Variants in TNIP3 observed in about 807,000 individuals in gnomAD.
TNIP3 encodes the protein TNFAIP3 interacting protein 3.
In TNIP3, 34 loss-of-function variants were observed where a neutral mutation model predicts 54.1. The ratio of observed to expected loss-of-function variants is 0.63; its 90% CI spans 0.48 to 0.84. The LOEUF (loss-of-function observed/expected upper bound fraction) is 0.84, where lower values mean the gene tolerates loss of function less well. Among genes scored for constraint, TNIP3 ranks in the 40% least tolerant of loss-of-function variants. TNIP3 has a pLI of 0.00. For missense variants in TNIP3, 366 were observed against 387.6 expected, an observed-to-expected ratio of 0.94 and a Z score of 0.47; for synonymous variants, 134 against 136.8, an observed-to-expected ratio of 0.98 and a Z score of 0.14.
At chr4:121,216,309 C>T in intron 2 of TNIP3, 1 of 941,442 alleles carries the variant, frequency 1.1e-6, no homozygotes, top group Non-Finnish European at 1.6e-6. Flanking sequence ...TCCATTCAGA[C>T]AGCTTCTCTT....
At chr4:121,180,235 C>T (rs1182687877) in intron 3 of TNIP3, among the ~76,000 whole-genome samples, 1 of 152,054 alleles carries the variant, frequency 6.6e-6, no homozygotes, top group Non-Finnish European at 1.5e-5. Flanking sequence ...CCCGTCTCTA[C>T]TAAAAATACA....
At chr4:121,174,084 C>A (rs1242488720) in intron 3 of TNIP3, among the ~76,000 whole-genome samples, 1 of 152,156 alleles carries the variant, frequency 6.6e-6, no homozygotes, top group Non-Finnish European at 1.5e-5. Flanking sequence ...GGGACCACTC[C>A]ATTGATGATG....
chr4:121,137,972 C>T (rs1221094703), intron 10 of TNIP3: 1 of 455,884 alleles, frequency 2.2e-6, no homozygotes, highest in Non-Finnish European at 4.4e-6. Flanking sequence ...TTCTGGGTGG[C>T]CTCACAAGAC....
intron 10 of TNIP3, 122 bp from the exon 11 acceptor site, chr4:121,132,784 A>G: frequency 1.3e-6 from 1 of 779,778 alleles, no homozygotes. Context: ...TGTTATATTC[A>G]TAAGCTCCCC....
intron 2 of TNIP3, among the ~76,000 whole-genome samples, chr4:121,198,164 A>C (rs1261907299): frequency 6.6e-6 from 1 of 150,474 alleles, no homozygotes; most frequent in East Asian, 1.9e-4. Flanking sequence ...TTTTTTTTAG[A>C]AATTACTTGT....
At chr4:121,138,735 T>C (rs1007884050) in intron 9 of TNIP3, 51 bp from the exon 10 acceptor site, 2 of 1,508,056 alleles carry the variant, frequency 1.3e-6, no homozygotes, top group Non-Finnish European at 1.8e-6. Flanking sequence ...TCAAATATAG[T>C]GGCATGTCAA....
chr4:121,148,712 T>C (rs1178704924), intron 6 of TNIP3, among the ~76,000 whole-genome samples: 1 of 152,232 alleles, frequency 6.6e-6, no homozygotes, highest in Non-Finnish European at 1.5e-5. Flanking sequence ...CATCAAATGC[T>C]ATAAAATTTT....
upstream of TNIP3, among the ~76,000 whole-genome samples, chr4:121,217,177 G>C (rs1262610274): frequency 6.6e-6 from 1 of 152,164 alleles, no homozygotes; most frequent in African/African-American, 2.4e-5. Flanking sequence ...GTAGAATCTT[G>C]AGATTGAAGA....
chr4:121,189,571 C>A, intron 2 of TNIP3, among the ~76,000 whole-genome samples: 1 of 152,148 alleles, frequency 6.6e-6, no homozygotes, highest in East Asian at 1.9e-4. Context: ...TTTTAGATGA[C>A]TGAGTTCAGG....
chr4:121,219,551 C>A (rs920303478), upstream of TNIP3, among the ~76,000 whole-genome samples: 1 of 152,168 alleles, frequency 6.6e-6, no homozygotes, highest in Non-Finnish European at 1.5e-5. Context: ...TGGAAGTTAA[C>A]CAAGTTTTAT....
chr4:121,175,243 G>C (rs571769077), intron 3 of TNIP3, among the ~76,000 whole-genome samples: 8 of 152,328 alleles, frequency 5.3e-5, no homozygotes, highest in South Asian at 4.1e-4. Context: ...AGTCATGCAA[G>C]TCTGGAAGAA....
intron 2 of TNIP3, among the ~76,000 whole-genome samples, chr4:121,189,695 G>A (rs1230042401): frequency 6.6e-6 from 1 of 152,116 alleles, no homozygotes; most frequent in Admixed American, 6.6e-5. Flanking sequence ...CGGACAAGAA[G>A]GAACATTTCT....
intron 2 of TNIP3, among the ~76,000 whole-genome samples, chr4:121,193,721 C>A (rs1725421663): frequency 6.6e-6 from 1 of 152,016 alleles, no homozygotes; most frequent in Non-Finnish European, 1.5e-5. Context: ...GGAATCTTGG[C>A]AGGTACCACT....
At chr4:121,152,750 T>C (rs1376446048) in intron 5 of TNIP3, among the ~76,000 whole-genome samples, 1 of 152,224 alleles carries the variant, frequency 6.6e-6, no homozygotes, top group Non-Finnish European at 1.5e-5. Flanking sequence ...TAAAGATGGA[T>C]ACATAATATA....
chr4:121,227,402 G>T, exon 1 of TNIP3: 1 of 1,535,080 alleles, frequency 6.5e-7, no homozygotes, highest in Non-Finnish European at 8.7e-7. Context: ...TATCCTGAAA[G>T]TCCTTCTCAG....
At chr4:121,154,934 C>T (rs1207254714) in intron 4 of TNIP3, among the ~76,000 whole-genome samples, 1 of 149,906 alleles carries the variant, frequency 6.7e-6, no homozygotes, top group Non-Finnish European at 1.5e-5. Flanking sequence ...ATTTTGTGAC[C>T]CCAGGAAAAA....
At chr4:121,138,478 G>T (rs1236498781) in intron 10 of TNIP3, 146 bp downstream of exon 10, 1 of 694,978 alleles carries the variant, frequency 1.4e-6, no homozygotes, top group East Asian at 2.7e-5. Flanking sequence ...TTTAACCCCA[G>T]GTGCATCAAA....
At chr4:121,157,358 A>G in intron 3 of TNIP3, 115 bp from the exon 4 acceptor site, 2 of 1,336,630 alleles carry the variant, frequency 1.5e-6, no homozygotes, top group South Asian at 1.3e-5. Flanking sequence ...GACGTCCCCT[A>G]AGGAGAGGTT....
chr4:121,152,914 A>G (rs1729846161), intron 5 of TNIP3, among the ~76,000 whole-genome samples: 2 of 152,174 alleles, frequency 1.3e-5, no homozygotes, highest in Admixed American at 6.5e-5. Context: ...TCCTACCTTC[A>G]TGGAACTAAC....
Sources: gnomAD v4.1 joint callset for allele counts (sites outside exome capture counted in the v4.1 genomes callset) on GRCh38, gnomAD v4.1.1 for gene constraint, MANE v1.5 for transcripts, NCBI Gene and HGNC (gene_info 2026-07-23, HGNC 2026-07-21) for gene names.